The following ROBO2 variants were observed in gnomAD, a reference collection of about 807,000 sequenced individuals.
ROBO2 encodes the protein roundabout homolog 2.
ROBO2 carries 53 observed loss-of-function variants against 160.8 expected under a neutral mutation model. That is an observed-to-expected ratio of 0.33 (90% confidence interval 0.26 to 0.41). The LOEUF (loss-of-function observed/expected upper bound fraction) is 0.41. Among genes scored for constraint, ROBO2 ranks in the 10% least tolerant of loss-of-function variants. ROBO2 has a pLI of 1.00. For synonymous variants in ROBO2, 664 were observed against 611.7 expected, an observed-to-expected ratio of 1.09 and a Z score of -1.26; for missense variants, 1,577 against 1,722.4, an observed-to-expected ratio of 0.92 and a Z score of 1.49.
intron 2 of ROBO2, among the ~76,000 whole-genome samples, chr3:76,186,172 A>G (rs186960552): frequency 1.3e-5 from 2 of 152,012 alleles, no homozygotes; most frequent in East Asian, 3.9e-4. Context: ...AGCTCAACCA[A>G]TCCACCCACC....
chr3:76,605,590 G>T (rs1466281594), intron 2 of ROBO2, among the ~76,000 whole-genome samples: 2 of 152,068 alleles, frequency 1.3e-5, no homozygotes, highest in African/African-American at 4.8e-5. Flanking sequence ...AGGAAAGTTG[G>T]GTAGTCAGAT....
chr3:77,294,176 C>A (rs532960254), intron 2 of ROBO2, among the ~76,000 whole-genome samples: 2 of 142,626 alleles, frequency 1.4e-5, no homozygotes, highest in Admixed American at 1.5e-4. Context: ...GAGGCTAGAT[C>A]ACCCCAGATG....
intron 2 of ROBO2, among the ~76,000 whole-genome samples, chr3:76,392,259 C>T (rs1040448019): frequency 1.3e-5 from 2 of 152,090 alleles, no homozygotes; most frequent in African/African-American, 4.8e-5. Flanking sequence ...ATTTGGATAA[C>T]AATCTCTGGG....
intron 2 of ROBO2, among the ~76,000 whole-genome samples, chr3:76,548,683 A>C (rs1320685912): frequency 6.6e-6 from 1 of 151,730 alleles, no homozygotes; most frequent in Non-Finnish European, 1.5e-5. Flanking sequence ...GAAAGCAATA[A>C]AGTTGAGGAG....
At chr3:76,092,013 A>T (rs2069256151) in intron 2 of ROBO2, among the ~76,000 whole-genome samples, 1 of 152,168 alleles carries the variant, frequency 6.6e-6, no homozygotes, top group Admixed American at 6.5e-5. Flanking sequence ...ATACGACATT[A>T]TACATTTCTC....
chr3:76,798,105 AAAAG>A (rs1264834618), intron 2 of ROBO2, among the ~76,000 whole-genome samples: 2 of 149,296 alleles, frequency 1.3e-5, no homozygotes, highest in African/African-American at 2.5e-5. Context: ...CACATTAAAA[AAAAG>A]AAAGAAGAGA....
chr3:76,427,009 A>T (rs2076247337), intron 2 of ROBO2, among the ~76,000 whole-genome samples: 1 of 152,150 alleles, frequency 6.6e-6, no homozygotes, highest in Non-Finnish European at 1.5e-5. Context: ...ACATAGATGC[A>T]CGTGAATATG....
intron 2 of ROBO2, among the ~76,000 whole-genome samples, chr3:76,705,402 G>T (rs1483703709): frequency 6.6e-6 from 1 of 152,144 alleles, no homozygotes; most frequent in South Asian, 2.1e-4. Context: ...TGATAAATAC[G>T]TAAAGGGGTA....
intron 2 of ROBO2, among the ~76,000 whole-genome samples, chr3:76,978,716 A>G (rs149703826): frequency 1.3e-5 from 2 of 152,056 alleles, no homozygotes; most frequent in African/African-American, 4.8e-5. Flanking sequence ...AGAAATTGCA[A>G]CCTTATAATA....
intron 24 of ROBO2, among the ~76,000 whole-genome samples, chr3:77,641,856 A>G (rs976562008): frequency 6.6e-6 from 1 of 152,154 alleles, no homozygotes; most frequent in African/African-American, 2.4e-5. Flanking sequence ...AGAGAGATGA[A>G]AAGGGAGTTG....
At chr3:77,558,681 T>C (rs966731858) in intron 9 of ROBO2, among the ~76,000 whole-genome samples, 9 of 152,074 alleles carry the variant, frequency 5.9e-5, no homozygotes, top group African/African-American at 2.2e-4. Flanking sequence ...AAGGCATTGG[T>C]GGTTTTTTAC....
At chr3:76,247,608 T>C (rs1056613864) in intron 2 of ROBO2, among the ~76,000 whole-genome samples, 2 of 152,112 alleles carry the variant, frequency 1.3e-5, no homozygotes, top group African/African-American at 4.8e-5. Context: ...TTTTGAAACC[T>C]GAGGACCCAC....
At chr3:76,051,596 T>G (rs1048208350) in intron 2 of ROBO2, among the ~76,000 whole-genome samples, 2 of 152,126 alleles carry the variant, frequency 1.3e-5, no homozygotes, top group Non-Finnish European at 2.9e-5. Flanking sequence ...ATGCAACAAT[T>G]ATTTTCATGC....
exon 11 of ROBO2, chr3:77,563,216 G>A (rs1247910611): frequency 1.9e-6 from 3 of 1,613,512 alleles, no homozygotes; most frequent in Non-Finnish European, 1.7e-6. Context: ...ACCTGCCAGG[G>A]CCACCATCCA....
rs59630476 is a variant in ROBO2 at position 76,127,597 on chromosome 3, AAT to A, written c.109+190011_109+190012del. On this transcript the variant is annotated intron_variant, in intron 2 of 26. Coordinates refer to the ROBO2 transcript ENST00000487694. ...GTGCTTTCTCTATATGGTTTGAAAA[AAT>A]ATATATATATATATACATATACTAT... Among the ~76,000 whole-genome samples, 577 of 118,400 alleles carry A rather than the reference AAT, an allele frequency of 4.9e-3. 3 individuals are homozygous for A. The highest frequency in any genetic ancestry group is 8.4e-3 in the Middle Eastern group (2 of 238). 77.7% of individuals were successfully genotyped at this position (118,400 alleles called of 152,430 possible). A position where few individuals can be genotyped will look rare whatever the true frequency, so the allele number is the denominator to read the frequency against.
chr3:75,926,999 A>T (rs968337519), intron 1 of ROBO2, among the ~76,000 whole-genome samples: 1 of 152,180 alleles, frequency 6.6e-6, no homozygotes, highest in Admixed American at 6.5e-5. Flanking sequence ...AATTAGCATG[A>T]TTTATCATTT....
chr3:76,214,247 A>T (rs1703344432), intron 2 of ROBO2, among the ~76,000 whole-genome samples: 1 of 152,222 alleles, frequency 6.6e-6, no homozygotes, highest in African/African-American at 2.4e-5. Context: ...CACTCCTCAG[A>T]AAAGAAGCTA....
intron 2 of ROBO2, among the ~76,000 whole-genome samples, chr3:76,365,834 T>C: frequency 6.6e-6 from 1 of 152,052 alleles, no homozygotes; most frequent in East Asian, 1.9e-4. Context: ...CCAACATAAA[T>C]CCACATTATG....
intron 2 of ROBO2, among the ~76,000 whole-genome samples, chr3:76,598,166 C>T (rs528333399): frequency 5.3e-5 from 8 of 151,480 alleles, no homozygotes; most frequent in Admixed American, 2.6e-4. Context: ...AAAAAAAAGG[C>T]GAGCCCAAAA....
Sources: allele counts gnomAD v4.1 joint callset (sites outside exome capture counted in the v4.1 genomes callset), GRCh38; gene constraint gnomAD v4.1.1; transcripts MANE v1.5; gene names NCBI Gene and HGNC (gene_info 2026-07-23, HGNC 2026-07-21).